The following CIT variants were observed in gnomAD, a reference collection of about 807,000 sequenced individuals.
The protein encoded by CIT is citron Rho-interacting kinase.
In CIT, 79 loss-of-function variants were observed where a neutral mutation model predicts 272.7. The observed-to-expected ratio is 0.29, with a 90% CI of 0.24 to 0.35. CIT has a LOEUF of 0.35. Ranked by LOEUF, CIT falls within the 10% of genes least tolerant of loss-of-function variation. CIT has a pLI of 1.00. For missense variants in CIT, 1,909 were observed against 2,618.3 expected (o/e 0.73, Z 5.91); for synonymous variants, 948 against 995.6 (o/e 0.95, Z 0.90).
intron 6 of CIT, among the ~76,000 whole-genome samples, chr12:119,833,810 T>C (rs1179587349): frequency 1.3e-5 from 2 of 152,148 alleles, no homozygotes; most frequent in African/African-American, 4.8e-5. Flanking sequence ...AAAGAACTCA[T>C]GCAAGAGTTC....
intron 22 of CIT, among the ~76,000 whole-genome samples, chr12:119,753,076 G>C (rs1475142128): frequency 2.0e-5 from 3 of 152,102 alleles, no homozygotes; most frequent in African/African-American, 7.2e-5. Flanking sequence ...GACATCCAAA[G>C]GTATGGGGGT....
chr12:119,734,581 C>A (rs1252935094), intron 25 of CIT, among the ~76,000 whole-genome samples: 1 of 152,028 alleles, frequency 6.6e-6, no homozygotes, highest in East Asian at 1.9e-4. Flanking sequence ...GGGAAGTGAC[C>A]AAGCTTAAAA....
intron 32 of CIT, among the ~76,000 whole-genome samples, chr12:119,716,787 C>G (rs1305248857): frequency 6.6e-6 from 1 of 152,286 alleles, no homozygotes. Context: ...CACAGAGGCA[C>G]AGGATGTCCT....
intron 2 of CIT, among the ~76,000 whole-genome samples, chr12:119,875,139 C>CA (rs1358071001): frequency 2.6e-5 from 4 of 151,998 alleles, no homozygotes; most frequent in African/African-American, 9.7e-5. Context: ...CTCATCTCTA[C>CA]AAAAAATACA....
chr12:119,832,862 T>C lies in CIT; in HGVS notation c.662A>G (p.Asp221Gly), dbSNP rs560006000. 6.2e-7 allele frequency: 1 copy of C among 1,612,584 alleles called. No homozygotes were observed. The highest frequency in any genetic ancestry group is 2.2e-5 in the East Asian group (1 of 44,868). The change falls in exon 7 of 48, where the codon GAC becomes GGC. Residue 221 changes from aspartate to glycine, a missense_variant and splice_region_variant. Transcript: ENST00000392521. ...AACGAGAATGTTCTCAGGCTTGATG[T>C]CTCTGTAAGAAAATCAGGACCATGA... is the stretch of plus-strand genomic sequence containing the variant. ...SVHLMGYVHR[D>G]IKPENILVDR...
rs556412697 is a variant in CIT, at chr12:119,687,572, A to G, written c.*660T>C. ...GTCAAGGCCATAAAAGGCAATGAAA[A>G]CAGTAAACATTTGGCTACGATGTCA... On this transcript the variant is annotated 3_prime_UTR_variant, in exon 48 of 48. Transcript: ENST00000392521. The G allele has an allele frequency of 6.6e-6, 1 of 152,604 alleles. No individual in the cohort carries two copies. The highest frequency in any genetic ancestry group is 2.4e-5 in the African/African-American group (1 of 41,504). 9.5% of individuals were successfully genotyped at this position (152,604 alleles called of 1,614,324 possible). A position where few individuals can be genotyped will look rare whatever the true frequency, so the allele number is the denominator to read the frequency against.
At chr12:119,833,635 A>C (rs1364317702) in intron 6 of CIT, among the ~76,000 whole-genome samples, 1 of 143,526 alleles carries the variant, frequency 7.0e-6, no homozygotes, top group African/African-American at 2.7e-5. Context: ...ACTGCACTCC[A>C]GCCTGGCAAC....
intron 12 of CIT, 21 bp from the exon 13 acceptor site, chr12:119,782,658 A>T: frequency 6.2e-7 from 1 of 1,613,268 alleles, no homozygotes; most frequent in Non-Finnish European, 8.5e-7. Context: ...CAAAAATTTT[A>T]ATAGGGATGC....
intron 3 of CIT, among the ~76,000 whole-genome samples, chr12:119,861,311 CA>C (rs1950329907): frequency 6.6e-6 from 1 of 151,938 alleles, no homozygotes; most frequent in East Asian, 1.9e-4. Context: ...GAGGGCCAGG[CA>C]CTGTGGCTCA....
chr12:119,776,581 T>C lies in CIT; in HGVS notation c.1836+91A>G, dbSNP rs1404052475. Reference sequence around the variant, plus strand: ...GTATCCTACTATTTCTCAAACTAGGTTGTTTCTCATTAAACTAGGTTCTCC... The same window carrying C: ...GTATCCTACTATTTCTCAAACTAGGCTGTTTCTCATTAAACTAGGTTCTCC... On this transcript the variant is annotated intron_variant, in intron 14 of 47. Transcript: ENST00000392521. The C allele has an allele frequency of 4.6e-6, 6 of 1,311,890 alleles. No individual in the cohort carries two copies. In the East Asian group the frequency reaches 1.4e-4, roughly 30 times the overall value. 81.3% of individuals were successfully genotyped at this position (1,311,890 alleles called of 1,614,324 possible). A position where few individuals can be genotyped will look rare whatever the true frequency, so the allele number is the denominator to read the frequency against.
intron 23 of CIT, among the ~76,000 whole-genome samples, chr12:119,748,750 T>G (rs558675619): frequency 6.6e-6 from 1 of 152,220 alleles, no homozygotes; most frequent in East Asian, 1.9e-4. Context: ...AACTCTTGAT[T>G]ATTCAACATT....
chr12:119,689,663 GCTC>G (rs1419290360), intron 47 of CIT, among the ~76,000 whole-genome samples: 2 of 103,630 alleles, frequency 1.9e-5, no homozygotes, highest in Non-Finnish European at 3.9e-5. Flanking sequence ...TGCTTAGGAA[GCTC>G]TTTTTTTTTT....
intron 8 of CIT, 46 bp downstream of exon 8, chr12:119,825,119 A>G (rs748292442): frequency 6.4e-7 from 1 of 1,557,510 alleles, no homozygotes; most frequent in Non-Finnish European, 8.8e-7. Flanking sequence ...CAATTTTTAA[A>G]TAACGTTTCT....
chr12:119,774,286 GT>G (rs961325069), intron 16 of CIT, among the ~76,000 whole-genome samples: 127 of 146,764 alleles, frequency 8.7e-4, no homozygotes, highest in African/African-American at 1.3e-3. Flanking sequence ...ATGTTATGTG[GT>G]TTTTTTTTTT....
chr12:119,806,765 G>C (rs1404664124), intron 9 of CIT, among the ~76,000 whole-genome samples: 1 of 151,896 alleles, frequency 6.6e-6, no homozygotes, highest in Non-Finnish European at 1.5e-5. Flanking sequence ...GCAGATAAAA[G>C]AACAATCTAA....
chr12:119,721,096 A>G (rs548172892), intron 29 of CIT, among the ~76,000 whole-genome samples: 2 of 152,266 alleles, frequency 1.3e-5, no homozygotes, highest in Non-Finnish European at 2.9e-5. Flanking sequence ...TCTCCCGAGT[A>G]GCTGGGACTA....
chr12:119,845,118 T>C (rs1969701124), intron 5 of CIT, among the ~76,000 whole-genome samples: 1 of 149,874 alleles, frequency 6.7e-6, no homozygotes, highest in African/African-American at 2.5e-5. Context: ...AGACTCTATC[T>C]CAAAAAAAAT....
chr12:119,729,613 T>C (rs899948450), intron 27 of CIT, among the ~76,000 whole-genome samples: 1 of 152,226 alleles, frequency 6.6e-6, no homozygotes, highest in Admixed American at 6.5e-5. Context: ...CGTATGTCTA[T>C]GTATATGTGT....
rs1957091806 is a variant in CIT at position 119,710,128 on chromosome 12, C to T, written c.5071+123G>A. The T allele has an allele frequency of 5.5e-6, 6 of 1,085,944 alleles. No individual in the cohort carries two copies. The highest frequency in any genetic ancestry group is 6.7e-6 in the Non-Finnish European group (5 of 746,496). The allele number at this position is 1,085,944 out of a possible 1,614,324, so 67.3% of individuals were successfully genotyped here. Reference sequence around the variant, plus strand: ...GCTGAGGCTTGGGCATCTATGGGGACACAGAGATAAGAGCTACAACGGCTC... The same window carrying T: ...GCTGAGGCTTGGGCATCTATGGGGATACAGAGATAAGAGCTACAACGGCTC... On this transcript the variant is annotated intron_variant, in intron 39 of 47. Transcript: ENST00000392521. This position sits in a 1 kb window ranked among gnomAD's most constrained non-coding sequence, Gnocchi z 5.6.
Sources: gnomAD v4.1 joint callset for allele counts (sites outside exome capture counted in the v4.1 genomes callset) on GRCh38, gnomAD v4.1.1 for gene constraint, Gnocchi (gnomAD v3.1) non-coding constraint, MANE v1.5 for transcripts, NCBI Gene and HGNC (gene_info 2026-07-23, HGNC 2026-07-21) for gene names.